Variants in CARMIL1 observed in about 807,000 individuals in gnomAD.
CARMIL1 encodes capping protein regulator and myosin 1 linker 1.
A neutral mutation model predicts 177.1 loss-of-function variants in CARMIL1; 90 were observed. The ratio of observed to expected loss-of-function variants is 0.51; its 90% CI spans 0.43 to 0.61. The LOEUF (loss-of-function observed/expected upper bound fraction) is 0.61. Among genes scored for constraint, CARMIL1 ranks in the 20% least tolerant of loss-of-function variants. The pLI is 0.00. For missense variants in CARMIL1, 1,380 were observed against 1,667.0 expected (o/e 0.83, Z 3.00); for synonymous variants, 577 against 606.2 (o/e 0.95, Z 0.71).
intron 5 of CARMIL1, among the ~76,000 whole-genome samples, chr6:25,439,801 G>A (rs934130722): frequency 1.3e-5 from 2 of 152,126 alleles, no homozygotes; most frequent in East Asian, 3.9e-4. Flanking sequence ...TGTAGCTAGC[G>A]CACTCTGAGG....
chr6:25,533,620 A>G (rs1302117275), intron 24 of CARMIL1, among the ~76,000 whole-genome samples: 1 of 152,112 alleles, frequency 6.6e-6, no homozygotes, highest in African/African-American at 2.4e-5. Flanking sequence ...TCACTGGACA[A>G]TGCACCATTC....
intron 4 of CARMIL1, among the ~76,000 whole-genome samples, chr6:25,427,997 C>T (rs893694994): frequency 2.0e-5 from 3 of 152,116 alleles, no homozygotes; most frequent in Admixed American, 2.0e-4. Context: ...CAGTGTCTTT[C>T]AAAGAGCAGA....
rs142954023 is a variant in CARMIL1, at chr6:25,576,440, A to G, written c.2743-4484A>G. 5.3e-5 allele frequency among the ~76,000 whole-genome samples: 8 copies of G among 152,292 alleles called. No homozygotes were observed. The East Asian group carries it at 1.5e-3, about 29-fold the overall frequency. On this transcript the variant is annotated intron_variant, in intron 29 of 36. Transcript: ENST00000329474. ...ATGACTGAAGAGGCAAAAGAATTCA[A>G]AGCTGCTGCTCCTAAAATGCAGTGG...
At chr6:25,486,824 C>G (rs1347615314) in intron 12 of CARMIL1, among the ~76,000 whole-genome samples, 1 of 152,100 alleles carries the variant, frequency 6.6e-6, no homozygotes, top group Non-Finnish European at 1.5e-5. Context: ...TCAGAAGACC[C>G]TGCCTGGTAC....
chr6:25,444,631 T>G (rs769500325), intron 5 of CARMIL1, among the ~76,000 whole-genome samples: 5 of 152,206 alleles, frequency 3.3e-5, no homozygotes, highest in Non-Finnish European at 7.3e-5. Context: ...GTGTTTGGTT[T>G]TCTGTCCTTG....
intron 12 of CARMIL1, 71 bp downstream of exon 12, chr6:25,482,414 T>C: frequency 1.5e-6 from 1 of 667,264 alleles, no homozygotes; most frequent in Non-Finnish European, 2.5e-6. Flanking sequence ...TTAGTTAGAA[T>C]TATTTGTTAC....
rs574999281 is a variant in CARMIL1, at chr6:25,356,206, C to T, written c.139-63908C>T. On this transcript the variant is annotated intron_variant, in intron 2 of 36. Coordinates refer to ENST00000329474, the MANE Select transcript of CARMIL1 (RefSeq NM_017640.6). Reference sequence around the variant, plus strand: ...CCGAGTAGCTGGGACTACAGGCTCCCGCCACTGCGCCCGGCTAATTTTTTG... The same window carrying T: ...CCGAGTAGCTGGGACTACAGGCTCCTGCCACTGCGCCCGGCTAATTTTTTG... Among the ~76,000 whole-genome samples the T allele has an allele frequency of 5.7e-4, 87 of 152,234 alleles. 1 individual carries two copies. In the South Asian group the frequency reaches 9.5e-3, roughly 17 times the overall value.
intron 2 of CARMIL1, among the ~76,000 whole-genome samples, chr6:25,412,759 T>C (rs927984): frequency 0.87 from 132,629 of 152,136 alleles, 57,877 homozygotes; most frequent in South Asian, 0.93. Context: ...TAAAACTCTA[T>C]GTGGGGTAGT....
At chr6:25,565,840 A>C (rs1334350729) in intron 29 of CARMIL1, among the ~76,000 whole-genome samples, 5 of 152,206 alleles carry the variant, frequency 3.3e-5, no homozygotes, top group African/African-American at 4.8e-5. Context: ...ACTCCGTCTC[A>C]AAAAAATAAA....
intron 2 of CARMIL1, among the ~76,000 whole-genome samples, chr6:25,400,425 A>C (rs1004039398): frequency 1.3e-5 from 2 of 152,162 alleles, no homozygotes; most frequent in African/African-American, 2.4e-5. Flanking sequence ...TCTTCCTTCC[A>C]TGAGTTTCCC....
chr6:25,406,739 A>G (rs1207802035), intron 2 of CARMIL1, among the ~76,000 whole-genome samples: 1 of 152,186 alleles, frequency 6.6e-6, no homozygotes, highest in Non-Finnish European at 1.5e-5. Context: ...AGCCAGACCT[A>G]TTGTGGGAAG....
At chr6:25,432,333 G>T (rs1384786494) in intron 4 of CARMIL1, among the ~76,000 whole-genome samples, 1 of 151,960 alleles carries the variant, frequency 6.6e-6, no homozygotes, top group Non-Finnish European at 1.5e-5. Context: ...TTTTCTCCTT[G>T]CTGTTCTTTA....
At chr6:25,303,134 T>G (rs1782996713) in intron 2 of CARMIL1, among the ~76,000 whole-genome samples, 1 of 152,124 alleles carries the variant, frequency 6.6e-6, no homozygotes, top group Admixed American at 6.5e-5. Flanking sequence ...CCTTTTTTTT[T>G]TTTTCCATTG....
chr6:25,500,662 T>A (rs1804217588), intron 17 of CARMIL1, among the ~76,000 whole-genome samples: 1 of 152,234 alleles, frequency 6.6e-6, no homozygotes, highest in Non-Finnish European at 1.5e-5. Flanking sequence ...TATCTTGATT[T>A]AAAACAAGAA....
intron 2 of CARMIL1, among the ~76,000 whole-genome samples, chr6:25,404,510 A>T (rs1012040815): frequency 1.2e-4 from 19 of 152,152 alleles, no homozygotes; most frequent in African/African-American, 4.6e-4. Flanking sequence ...TAATCCCAGC[A>T]CTTTGGGAGG....
intron 2 of CARMIL1, among the ~76,000 whole-genome samples, chr6:25,358,131 G>C (rs972666016): frequency 1.3e-4 from 20 of 152,174 alleles, no homozygotes; most frequent in African/African-American, 4.6e-4. Flanking sequence ...TCTAATGCGT[G>C]GGCCAACCAT....
intron 5 of CARMIL1, among the ~76,000 whole-genome samples, chr6:25,438,214 C>T (rs1797398417): frequency 6.6e-6 from 1 of 152,168 alleles, no homozygotes. Context: ...GGATCACTTC[C>T]TGCACTAGTA....
At chr6:25,387,460 A>T (rs10946768) in intron 2 of CARMIL1, among the ~76,000 whole-genome samples, 22,048 of 152,274 alleles carry the variant, frequency 0.14, 1,831 homozygotes, top group East Asian at 0.32. Flanking sequence ...AAACATTAAC[A>T]TAAGTTGTTC....
At chr6:25,445,851 G>T (rs1219903602) in intron 5 of CARMIL1, among the ~76,000 whole-genome samples, 1 of 152,066 alleles carries the variant, frequency 6.6e-6, no homozygotes, top group Non-Finnish European at 1.5e-5. Context: ...ACCTATTCCT[G>T]GATCCATGGG....
Sources: gnomAD v4.1 joint callset for allele counts (sites outside exome capture counted in the v4.1 genomes callset) on GRCh38, gnomAD v4.1.1 for gene constraint, MANE v1.5 for transcripts, NCBI Gene and HGNC (gene_info 2026-07-23, HGNC 2026-07-21) for gene names.